LRMDA: variants seen among roughly 807,000 people sequenced by gnomAD.
LRMDA encodes the protein leucine rich melanocyte differentiation associated, also known as leucine-rich melanocyte differentiation-associated protein.
In LRMDA, 18 loss-of-function variants were observed where a neutral mutation model predicts 29.8. The observed-to-expected ratio is 0.60, with a 90% CI of 0.42 to 0.90. LRMDA has a LOEUF of 0.90. Among genes scored for constraint, LRMDA ranks in the 40% least tolerant of loss-of-function variants. The pLI, the probability that LRMDA is intolerant of heterozygous loss-of-function variation, is 0.00. For synonymous variants in LRMDA, 125 were observed against 109.4 expected (o/e 1.14, Z -0.89); for missense variants, 273 against 273.9 (o/e 1.00, Z 0.02).
chr10:75,583,337 G>T (rs1318619125), intron 2 of LRMDA, among the ~76,000 whole-genome samples: 2 of 152,288 alleles, frequency 1.3e-5, no homozygotes, highest in Non-Finnish European at 2.9e-5. Context: ...TGTGCAGGAA[G>T]CACAGCAGCT....
At chr10:75,522,203 G>A (rs192192430) in intron 2 of LRMDA, among the ~76,000 whole-genome samples, 1 of 152,300 alleles carries the variant, frequency 6.6e-6, no homozygotes, top group Admixed American at 6.5e-5. Flanking sequence ...TAGATACTGC[G>A]ACTATCCTGA....
At chr10:76,418,480 CA>C (rs2132517510) in intron 6 of LRMDA, among the ~76,000 whole-genome samples, 1 of 151,986 alleles carries the variant, frequency 6.6e-6, no homozygotes, top group African/African-American at 2.4e-5. Context: ...AAATAATTCT[CA>C]TATGTTTATT....
At chr10:75,860,910 T>C (rs1023102180) in intron 2 of LRMDA, among the ~76,000 whole-genome samples, 5 of 152,318 alleles carry the variant, frequency 3.3e-5, no homozygotes, top group Admixed American at 2.0e-4. Context: ...TTGGGGCAAG[T>C]ATTTAATTTC....
At chr10:75,450,490 C>G (rs1844448493) in intron 2 of LRMDA, 2 of 152,116 alleles carry the variant, frequency 1.3e-5, no homozygotes, top group South Asian at 4.1e-4. Context: ...AATCACCAAA[C>G]CATTCTTGAG....
intron 2 of LRMDA, among the ~76,000 whole-genome samples, chr10:76,008,609 C>T (rs970984139): frequency 6.6e-6 from 1 of 152,228 alleles, no homozygotes; most frequent in African/African-American, 2.4e-5. Flanking sequence ...CAACCTGCCT[C>T]CCACCGGGTA....
intron 6 of LRMDA, among the ~76,000 whole-genome samples, chr10:76,554,854 G>A (rs1843535154): frequency 7.6e-6 from 1 of 130,762 alleles, no homozygotes; most frequent in South Asian, 2.9e-4. Context: ...CTGGAGAGAG[G>A]GCACTCATGG....
chr10:75,975,845 C>G (rs1312490219), intron 2 of LRMDA, among the ~76,000 whole-genome samples: 1 of 152,202 alleles, frequency 6.6e-6, no homozygotes, highest in Non-Finnish European at 1.5e-5. Context: ...ACCACCGTTT[C>G]CAATTCATCA....
At chr10:75,656,441 T>C (rs1320930263) in intron 2 of LRMDA, among the ~76,000 whole-genome samples, 1 of 152,220 alleles carries the variant, frequency 6.6e-6, no homozygotes, top group Admixed American at 6.5e-5. Flanking sequence ...GTTACTGTTT[T>C]TTTATTGTTC....
intron 5 of LRMDA, among the ~76,000 whole-genome samples, chr10:76,083,493 C>T (rs939782806): frequency 5.9e-5 from 9 of 152,128 alleles, no homozygotes; most frequent in African/African-American, 2.2e-4. Context: ...GATCTGTTGG[C>T]CTCACCACAC....
rs1235934667 is a variant in LRMDA, at chr10:75,431,695, G to A, written c.-30G>A. 4 of 1,295,376 alleles carry A rather than the reference G, an allele frequency of 3.1e-6. No individual in the cohort carries two copies. Among genetic ancestry groups the A allele is most frequent in the Middle Eastern group, 2.9e-4 (1 of 3,434 alleles). 80.2% of individuals were successfully genotyped at this position (1,295,376 alleles called of 1,614,324 possible). ...TGCTGCCGCCGCGCCCCCGCGCTCC[G>A]TCCCGCGCGCCCGCAGCGTCCTGGC... is the stretch of plus-strand genomic sequence containing the variant. On this transcript the variant is annotated 5_prime_UTR_variant, in exon 1 of 7. Coordinates refer to ENST00000611255, the MANE Select transcript of LRMDA (RefSeq NM_001305581.2).
At chr10:76,163,519 A>G (rs945469326) in intron 5 of LRMDA, among the ~76,000 whole-genome samples, 6 of 152,204 alleles carry the variant, frequency 3.9e-5, no homozygotes, top group Non-Finnish European at 1.5e-5. Flanking sequence ...CAACTTGAAG[A>G]AAATGATGCT....
At chr10:75,568,781 A>C (rs1840402610) in intron 2 of LRMDA, among the ~76,000 whole-genome samples, 1 of 152,220 alleles carries the variant, frequency 6.6e-6, no homozygotes, top group African/African-American at 2.4e-5. Context: ...AATCATTTGC[A>C]AGTTTAAGTT....
intron 5 of LRMDA, among the ~76,000 whole-genome samples, chr10:76,153,861 G>A (rs1007869166): frequency 1.3e-5 from 2 of 152,184 alleles, no homozygotes; most frequent in Non-Finnish European, 2.9e-5. Flanking sequence ...CTGTTCAGCA[G>A]AGTGACTATT....
chr10:75,841,207 T>C (rs1844535262), intron 2 of LRMDA, among the ~76,000 whole-genome samples: 1 of 152,224 alleles, frequency 6.6e-6, no homozygotes, highest in African/African-American at 2.4e-5. Flanking sequence ...CAAGATAACA[T>C]ATTTACATGT....
chr10:75,782,710 T>C, intron 2 of LRMDA: 1 of 1,274,790 alleles, frequency 7.8e-7, no homozygotes, highest in Non-Finnish European at 1.0e-6. Flanking sequence ...AGCCAGGCAC[T>C]TGTGAGATGG....
intron 2 of LRMDA, among the ~76,000 whole-genome samples, chr10:75,744,658 G>C (rs1047365201): frequency 2.0e-5 from 3 of 152,164 alleles, no homozygotes; most frequent in African/African-American, 7.2e-5. Flanking sequence ...CACCCCATTA[G>C]TGGCAGAAAC....
At chr10:76,045,416 C>T (rs1204895147) in intron 3 of LRMDA, among the ~76,000 whole-genome samples, 1 of 151,080 alleles carries the variant, frequency 6.6e-6, no homozygotes, top group Non-Finnish European at 1.5e-5. Context: ...GTTAGTTTCC[C>T]CTCTCTTGGT....
At chr10:75,668,576 T>G (rs1281959290) in intron 2 of LRMDA, among the ~76,000 whole-genome samples, 1 of 152,200 alleles carries the variant, frequency 6.6e-6, no homozygotes, top group Non-Finnish European at 1.5e-5. Flanking sequence ...TTTTCTCCTT[T>G]CATGGATATA....
At chr10:75,655,588 C>A (rs916410466) in intron 2 of LRMDA, among the ~76,000 whole-genome samples, 2 of 152,194 alleles carry the variant, frequency 1.3e-5, no homozygotes, top group African/African-American at 2.4e-5. Flanking sequence ...TGGGTTCAGG[C>A]ATGGAGCATC....
Sources: allele counts gnomAD v4.1 joint callset (sites outside exome capture counted in the v4.1 genomes callset), GRCh38; gene constraint gnomAD v4.1.1; transcripts MANE v1.5; gene names NCBI Gene and HGNC (gene_info 2026-07-23, HGNC 2026-07-21).